P4HA2: variants seen among roughly 807,000 people sequenced by gnomAD.
P4HA2 encodes the protein prolyl 4-hydroxylase subunit alpha-2.
A neutral mutation model predicts 76.9 loss-of-function variants in P4HA2; 46 were observed. That is an observed-to-expected ratio of 0.60 (90% CI 0.47 to 0.76). The LOEUF is 0.76. P4HA2 is among the 30% of genes least tolerant of loss of function. The probability of loss-of-function intolerance (pLI) is 0.00; values close to 1 mark genes in which losing one functional copy is unlikely to be tolerated. For missense variants in P4HA2, 583 were observed against 669.4 expected (o/e 0.87, Z 1.42); for synonymous variants, 243 against 254.0 (o/e 0.96, Z 0.41).
At position 132,198,646 on chromosome 5, in the gene P4HA2, C is replaced by T. The variant is rs182171815; in HGVS notation, c.1305+233G>A. On this transcript the variant is annotated intron_variant, in intron 11 of 14. Coordinates refer to ENST00000360568, the MANE Select transcript of P4HA2 (RefSeq NM_001017974.2). Reference sequence around the variant, plus strand: ...AGGGTGACAGAATTAGGGCAGGGGACGAACGCCCCACATCTACAGGGGAGA... The same window carrying T: ...AGGGTGACAGAATTAGGGCAGGGGATGAACGCCCCACATCTACAGGGGAGA... 8.8e-4 allele frequency among the ~76,000 whole-genome samples: 134 copies of T among 152,302 alleles called. No individual in the cohort carries two copies. In the East Asian group the frequency reaches 0.012, roughly 14 times the overall value.
In P4HA2 at chr5:132,218,564, G is replaced by T; in HGVS notation, c.63C>A (p.Ala21=). The T allele has an allele frequency of 6.2e-7, 1 of 1,613,258 alleles. No homozygotes were observed. Among genetic ancestry groups the T allele is most frequent in the South Asian group, 1.1e-5 (1 of 91,054 alleles). ...ACGTACCAATAGAGGTGAAGAATTC[G>T]GCCTGCACACAGCTCAGGACACCAA... ...AWFGVLSCVQ[A]EFFTSIGHMT... Residue 21 remains alanine, a synonymous_variant, in exon 2 of 15, where the codon GCC becomes GCA. Coordinates refer to ENST00000360568, the MANE Select transcript of P4HA2 (RefSeq NM_001017974.2).
At chr5:132,209,982 C>T (rs1752842530) in intron 6 of P4HA2, among the ~76,000 whole-genome samples, 1 of 152,122 alleles carries the variant, frequency 6.6e-6, no homozygotes, top group Admixed American at 6.5e-5. Flanking sequence ...GTAAAGGTTC[C>T]ACCCTGTGTA....
chr5:132,227,460 G>T, intron 1 of P4HA2: 1 of 152,364 alleles, frequency 6.6e-6, no homozygotes, highest in Non-Finnish European at 1.5e-5. Flanking sequence ...GCCACTTCCC[G>T]GGAGCCTGAC....
chr5:132,209,474 G>T (rs142704449), intron 6 of P4HA2, 143 bp from the exon 7 acceptor site: 6 of 723,030 alleles, frequency 8.3e-6, no homozygotes, highest in Non-Finnish European at 1.4e-5. Flanking sequence ...ACCAGAGTAC[G>T]CTGGTCGTAA....
intron 4 of P4HA2, among the ~76,000 whole-genome samples, chr5:132,216,432 T>C (rs1753907107): frequency 6.6e-6 from 1 of 152,138 alleles, no homozygotes; most frequent in Admixed American, 6.5e-5. Context: ...AAAAAGGTGC[T>C]GATAATTCAG....
rs1046107360 is a variant in P4HA2, at chr5:132,191,269, T to C, written c.*1741A>G. On this transcript the variant is annotated 3_prime_UTR_variant, in exon 15 of 15. Coordinates refer to ENST00000360568, the MANE Select transcript of P4HA2 (RefSeq NM_001017974.2). The stretch of plus-strand genomic sequence containing the variant: ...GGCTCACGCCTGTAATCCCAGCACT[T>C]TGGGAGGCCGAGGCGGGCGGATCAC... Among the ~76,000 whole-genome samples the C allele has an allele frequency of 6.6e-6, 1 of 152,016 alleles. No individual in the cohort carries two copies. Among genetic ancestry groups the C allele is most frequent in the African/African-American group, 2.4e-5 (1 of 41,392 alleles).
At chr5:132,197,339 G>A (rs1285587449) in intron 12 of P4HA2, among the ~76,000 whole-genome samples, 1 of 152,170 alleles carries the variant, frequency 6.6e-6, no homozygotes, top group Admixed American at 6.5e-5. Flanking sequence ...AGGGCGCAGT[G>A]GCTCACGCCT....
In P4HA2 at chr5:132,203,742, C is replaced by G. The variant is rs748407237; in HGVS notation, c.1251+6G>C. The G allele has an allele frequency of 3.3e-6, 5 of 1,518,170 alleles. No individual in the cohort carries two copies. In the South Asian group the frequency reaches 5.6e-5, roughly 17 times the overall value. 94.0% of individuals were successfully genotyped at this position (1,518,170 alleles called of 1,614,324 possible). ...CAACTCCTACAGTCCCAGGTACTAT[C>G]TGTACCTGTAACAATTCTGCAGTCT... On this transcript the variant is annotated splice_donor_region_variant and intron_variant, in intron 10 of 14. Coordinates refer to ENST00000360568, the MANE Select transcript of P4HA2 (RefSeq NM_001017974.2).
Position 132,191,930 on chromosome 5 carries a change from A to T in P4HA2, c.*1080T>A, listed in dbSNP as rs201822610. Reference sequence around the variant, plus strand: ...TAACAAAACTGAATGTACTATAAAGATTAAAACAAATTACAGCTACACAAG... The same window carrying T: ...TAACAAAACTGAATGTACTATAAAGTTTAAAACAAATTACAGCTACACAAG... On this transcript the variant is annotated 3_prime_UTR_variant, in exon 15 of 15. Coordinates refer to ENST00000360568, the MANE Select transcript of P4HA2 (RefSeq NM_001017974.2). The T allele has an allele frequency of 3.0e-4, 45 of 152,388 alleles. No homozygotes were observed. Among genetic ancestry groups the T allele is most frequent in the African/African-American group, 1.1e-3 (44 of 41,592 alleles). The allele number at this position is 152,388 out of a possible 1,614,324, so 9.4% of individuals were successfully genotyped here. A position where few individuals can be genotyped will look rare whatever the true frequency, so the allele number is the denominator to read the frequency against.
At chr5:132,227,536 G>C (rs1264049678) in intron 1 of P4HA2, 4 of 152,302 alleles carry the variant, frequency 2.6e-5, no homozygotes, top group Non-Finnish European at 5.9e-5. Context: ...GGGCGCCGCT[G>C]ACCTCACCAC....
intron 5 of P4HA2, 128 bp from the exon 6 acceptor site, chr5:132,210,651 A>C (rs1561484133): frequency 2.3e-6 from 2 of 885,422 alleles, no homozygotes; most frequent in South Asian, 2.9e-5. Context: ...TCGGACATTT[A>C]GACTGCATAT....
chr5:132,203,431 G>T, intron 10 of P4HA2: 1 of 317,466 alleles, frequency 3.1e-6, no homozygotes, highest in East Asian at 6.0e-5. Context: ...TCTTAGAGAT[G>T]TCCCTGAGAC....
Position 132,190,794 on chromosome 5 carries a change from T to C in P4HA2, c.*2216A>G, listed in dbSNP as rs1749839126. Among the ~76,000 whole-genome samples the C allele has an allele frequency of 6.6e-6, 1 of 152,190 alleles. No homozygotes were observed. The highest frequency in any genetic ancestry group is 1.5e-5 in the Non-Finnish European group (1 of 68,024). On this transcript the variant is annotated 3_prime_UTR_variant, in exon 15 of 15. Coordinates refer to ENST00000360568, the MANE Select transcript of P4HA2 (RefSeq NM_001017974.2). ...TAGTGAAAAGACAAGCCACAGAAGA[T>C]ATTTGCAAAATATATAACAAAGAAC...
At chr5:132,197,419 C>T (rs769153797) in intron 12 of P4HA2, among the ~76,000 whole-genome samples, 13 of 152,032 alleles carry the variant, frequency 8.6e-5, no homozygotes, top group Non-Finnish European at 1.6e-4. Flanking sequence ...ACCAGCCTGG[C>T]CAACATGGTG....
chr5:132,222,221 G>C (rs1241848426), intron 1 of P4HA2: 5 of 152,472 alleles, frequency 3.3e-5, no homozygotes, highest in African/African-American at 1.2e-4. Context: ...AACCTAACTG[G>C]ACACGGCTCC....
At chr5:132,225,975 T>C (rs1755335439) in intron 1 of P4HA2, among the ~76,000 whole-genome samples, 1 of 152,124 alleles carries the variant, frequency 6.6e-6, no homozygotes, top group African/African-American at 2.4e-5. Flanking sequence ...CAGTGGACAC[T>C]CGGCTGTGTA....
chr5:132,208,040 A>G (rs1752441083), intron 7 of P4HA2, among the ~76,000 whole-genome samples, 156 bp from the exon 8 acceptor site: 1 of 152,046 alleles, frequency 6.6e-6, no homozygotes, highest in Admixed American at 6.5e-5. Context: ...GTGGGCATGC[A>G]CAGTGGCTCA....
chr5:132,214,869 T>C (rs566981163), intron 4 of P4HA2, among the ~76,000 whole-genome samples: 1 of 152,296 alleles, frequency 6.6e-6, no homozygotes, highest in South Asian at 2.1e-4. Flanking sequence ...ACAGAAGTAC[T>C]CCAAGGAGGC....
At chr5:132,218,485 G>C in intron 2 of P4HA2, 60 bp downstream of exon 2, 1 of 1,177,330 alleles carries the variant, frequency 8.5e-7, no homozygotes, top group South Asian at 1.2e-5. Flanking sequence ...GCTGCAGCCA[G>C]AGACATCCGT....
Sources: allele counts gnomAD v4.1 joint callset (sites outside exome capture counted in the v4.1 genomes callset), GRCh38; gene constraint gnomAD v4.1.1; transcripts MANE v1.5; gene names NCBI Gene and HGNC (gene_info 2026-07-23, HGNC 2026-07-21).